Variants in KIAA0825 observed in about 807,000 individuals in gnomAD.
KIAA0825 encodes the protein KIAA0825.
KIAA0825 carries 119 observed loss-of-function variants against 147.6 expected under a neutral mutation model. That is an observed-to-expected ratio of 0.81 (90% CI 0.69 to 0.94). The LOEUF is 0.94. Ranked by LOEUF, KIAA0825 falls within the 40% of genes least tolerant of loss-of-function variation. The pLI, the probability that KIAA0825 is intolerant of heterozygous loss-of-function variation, is 0.00. For missense variants in KIAA0825, 1,381 were observed against 1,472.7 expected, an observed-to-expected ratio of 0.94 and a Z score of 1.02; for synonymous variants, 470 against 518.1, an observed-to-expected ratio of 0.91 and a Z score of 1.26.
At chr5:94,272,198 G>C (rs142142500) in intron 20 of KIAA0825, among the ~76,000 whole-genome samples, 3 of 151,780 alleles carry the variant, frequency 2.0e-5, no homozygotes, top group Admixed American at 6.6e-5. Flanking sequence ...GAAGGGTAGT[G>C]GGGGGAGGAC....
intron 20 of KIAA0825, among the ~76,000 whole-genome samples, chr5:94,190,812 T>C (rs1770617204): frequency 6.6e-6 from 1 of 152,000 alleles, no homozygotes; most frequent in African/African-American, 2.4e-5. Flanking sequence ...AAGTGAAGGA[T>C]AGAACATTTA....
intron 20 of KIAA0825, among the ~76,000 whole-genome samples, chr5:94,249,082 G>C (rs1775800945): frequency 1.3e-5 from 2 of 151,930 alleles, no homozygotes; most frequent in African/African-American, 4.8e-5. Flanking sequence ...TAAAAGAGAA[G>C]GCAAATTCCT....
intron 14 of KIAA0825, among the ~76,000 whole-genome samples, chr5:94,428,141 T>TG (rs1491154454): frequency 7.1e-5 from 9 of 126,530 alleles, no homozygotes; most frequent in Admixed American, 6.0e-4. Flanking sequence ...GATAAGGTCT[T>TG]GTTGTGTGTG....
chr5:94,232,783 G>T lies in KIAA0825; in HGVS notation c.3711-78659C>A, dbSNP rs1015509677. 1.3e-5 allele frequency among the ~76,000 whole-genome samples: 2 copies of T among 151,940 alleles called. 1 individual carries two copies. The highest frequency in any genetic ancestry group is 4.1e-4 in the South Asian group (2 of 4,830). On this transcript the variant is annotated intron_variant, in intron 20 of 20. Coordinates refer to ENST00000682413, the MANE Select transcript of KIAA0825 (RefSeq NM_001145678.3). Reference sequence around the variant, plus strand: ...TGGAATTATAATTTACTAAAAAGTTGCAAGAAAGATTCCATAGTTGGAATG... The same window carrying T: ...TGGAATTATAATTTACTAAAAAGTTTCAAGAAAGATTCCATAGTTGGAATG...
chr5:94,261,503 G>A (rs984443582), intron 20 of KIAA0825, among the ~76,000 whole-genome samples: 3 of 151,968 alleles, frequency 2.0e-5, no homozygotes, highest in Middle Eastern at 3.2e-3. Flanking sequence ...GAGAAAGGCC[G>A]ACCTTAAATA....
At chr5:94,481,293 A>G (rs748216128) in intron 6 of KIAA0825, among the ~76,000 whole-genome samples, 4 of 152,076 alleles carry the variant, frequency 2.6e-5, no homozygotes, top group Non-Finnish European at 5.9e-5. Context: ...TAGTTTCTAC[A>G]CTGCCGCTTT....
At chr5:94,396,070 GA>G in intron 17 of KIAA0825, 30 bp downstream of exon 17, 2 of 1,400,564 alleles carry the variant, frequency 1.4e-6, no homozygotes, top group Non-Finnish European at 1.9e-6. Flanking sequence ...AGCATTTGAT[GA>G]AATCCAATAA....
chr5:94,551,125 C>A (rs1775453502), intron 2 of KIAA0825, among the ~76,000 whole-genome samples: 1 of 149,890 alleles, frequency 6.7e-6, no homozygotes. Context: ...CACACTAGAC[C>A]AAGCAGAAGA....
At chr5:94,488,375 A>G (rs184583594) in intron 5 of KIAA0825, among the ~76,000 whole-genome samples, 1 of 152,332 alleles carries the variant, frequency 6.6e-6, no homozygotes, top group African/African-American at 2.4e-5. Context: ...AATATCTGAC[A>G]TAATAACTAT....
At chr5:94,270,648 A>G (rs1017457117) in intron 20 of KIAA0825, among the ~76,000 whole-genome samples, 3 of 152,154 alleles carry the variant, frequency 2.0e-5, no homozygotes, top group Non-Finnish European at 2.9e-5. Flanking sequence ...GATTTAGCAT[A>G]AGAGAAAGGT....
intron 1 of KIAA0825, among the ~76,000 whole-genome samples, chr5:94,598,226 A>C (rs917088178): frequency 1.7e-4 from 26 of 152,134 alleles, no homozygotes; most frequent in African/African-American, 5.5e-4. Flanking sequence ...TTATTCTATA[A>C]GTTTTTAAAA....
At chr5:94,156,424 T>A (rs1221514095) in intron 20 of KIAA0825, among the ~76,000 whole-genome samples, 1 of 152,244 alleles carries the variant, frequency 6.6e-6, no homozygotes, top group Admixed American at 6.5e-5. Flanking sequence ...CTTTTTTCCT[T>A]CCCATGTAAA....
intron 10 of KIAA0825, among the ~76,000 whole-genome samples, chr5:94,467,111 C>G (rs558755363): frequency 1.3e-5 from 2 of 152,296 alleles, no homozygotes; most frequent in East Asian, 3.9e-4. Context: ...CAGATTTCTT[C>G]CCTTAAAAGT....
chr5:94,492,625 T>C (rs921593326), intron 5 of KIAA0825, among the ~76,000 whole-genome samples: 1 of 152,182 alleles, frequency 6.6e-6, no homozygotes, highest in Non-Finnish European at 1.5e-5. Flanking sequence ...TTCAAAATGG[T>C]ACATTTGGGG....
chr5:94,592,107 C>CA (rs1318857420), intron 1 of KIAA0825, among the ~76,000 whole-genome samples: 1 of 152,186 alleles, frequency 6.6e-6, no homozygotes, highest in East Asian at 1.9e-4. Context: ...ATTTCAAAAC[C>CA]AATCAGGCCT....
chr5:94,593,383 C>T (rs1454637940), intron 1 of KIAA0825: 18 of 1,004,840 alleles, frequency 1.8e-5, no homozygotes, highest in South Asian at 6.8e-5. Flanking sequence ...TTTAATATCA[C>T]GACATTTTCA....
At chr5:94,482,728 G>A (rs574489969) in intron 6 of KIAA0825, among the ~76,000 whole-genome samples, 10 of 152,010 alleles carry the variant, frequency 6.6e-5, no homozygotes, top group South Asian at 2.1e-4. Flanking sequence ...ATAAAGCTGC[G>A]TCACATTAAA....
intron 20 of KIAA0825, among the ~76,000 whole-genome samples, chr5:94,169,514 A>G (rs897057166): frequency 6.7e-6 from 1 of 149,902 alleles, no homozygotes; most frequent in Non-Finnish European, 1.5e-5. Flanking sequence ...CCCGGGAGGC[A>G]GAGGTTACAG....
At chr5:94,510,773 A>G (rs982287007) in intron 5 of KIAA0825, among the ~76,000 whole-genome samples, 1 of 152,262 alleles carries the variant, frequency 6.6e-6, no homozygotes, top group Non-Finnish European at 1.5e-5. Context: ...CTCATTTTCA[A>G]GTATGGCATG....
Sources: gnomAD v4.1 joint callset for allele counts (sites outside exome capture counted in the v4.1 genomes callset) on GRCh38, gnomAD v4.1.1 for gene constraint, MANE v1.5 for transcripts, NCBI Gene and HGNC (gene_info 2026-07-23, HGNC 2026-07-21) for gene names.